USP24: variants seen among roughly 807,000 people sequenced by gnomAD.
USP24 encodes ubiquitin specific peptidase 24, also known as ubiquitin carboxyl-terminal hydrolase 24.
Under a neutral mutation model 361.6 loss-of-function variants are expected in USP24, and 97 were observed. The observed-to-expected ratio is 0.27, with a 90% CI of 0.23 to 0.32. USP24 has a LOEUF of 0.32. Ranked by LOEUF, USP24 falls within the 10% of genes least tolerant of loss-of-function variation. The probability of loss-of-function intolerance (pLI) is 1.00; values close to 1 mark genes in which losing one functional copy is unlikely to be tolerated. For missense variants in USP24, 2,353 were observed against 3,165.6 expected (o/e 0.74, Z 6.16); for synonymous variants, 1,098 against 1,124.6 (o/e 0.98, Z 0.47).
At chr1:55,176,352 A>G in intron 3 of USP24, 24 bp downstream of exon 3, 4 of 1,552,498 alleles carry the variant, frequency 2.6e-6, no homozygotes, top group Non-Finnish European at 3.5e-6. Flanking sequence ...CACACAAAAT[A>G]TCACAGCAGC....
chr1:55,213,942 T>A (rs964815829), intron 1 of USP24, among the ~76,000 whole-genome samples: 1 of 151,756 alleles, frequency 6.6e-6, no homozygotes, highest in Non-Finnish European at 1.5e-5. Context: ...ATGACTACCA[T>A]CTCTTTCCCC....
At chr1:55,207,766 A>G (rs533559890) in intron 1 of USP24, among the ~76,000 whole-genome samples, 51 of 152,342 alleles carry the variant, frequency 3.3e-4, no homozygotes, top group South Asian at 6.2e-4. Context: ...TTGCTTAGTA[A>G]GTAATGGTTT....
At chr1:55,159,736 T>C (rs1648074849) in intron 8 of USP24, 51 bp from the exon 9 acceptor site, 6 of 1,465,746 alleles carry the variant, frequency 4.1e-6, no homozygotes, top group African/African-American at 2.8e-5. Flanking sequence ...GTCCCAAAAG[T>C]AGAGAGAGAA....
At chr1:55,080,959 G>T (rs1309779865) in intron 59 of USP24, among the ~76,000 whole-genome samples, 1 of 152,130 alleles carries the variant, frequency 6.6e-6, no homozygotes. Flanking sequence ...CTGAAGATCA[G>T]AACGGTCAGG....
rs1328049981 is a variant in USP24 at position 55,214,940 on chromosome 1, G to C, written c.174C>G (p.Ser58Arg). 7 of 1,385,014 alleles carry C rather than the reference G, an allele frequency of 5.1e-6. No homozygotes were observed. Among genetic ancestry groups the C allele is most frequent in the African/African-American group, 1.5e-5 (1 of 66,762 alleles). 85.8% of individuals were successfully genotyped at this position (1,385,014 alleles called of 1,614,324 possible). Residue 58 changes from serine to arginine, a missense_variant, in exon 1 of 68, where the codon AGC (serine) becomes AGG (arginine). Physicochemically the swap from Ser to Arg is moderately radical, Grantham distance 110. Coordinates refer to ENST00000294383, the MANE Select transcript of USP24 (RefSeq NM_015306.3). The part of the protein sequence containing the change: ...LDYGGYEPMD[S>R]GGGPSPGPGG... The stretch of plus-strand genomic sequence containing the variant: ...CGGGCCCGGGGCTGGGGCCACCGCC[G>C]CTGTCCATGGGCTCGTAGCCGCCGT...
In USP24 at chr1:55,143,122, G is replaced by A; in HGVS notation, c.2440-3C>T. Reference sequence around the variant, plus strand: ...ATCAATTCCAGCTTTTCTACATACTGTTCAAAAGAAAAAAAATTAAATTAT... The same window carrying A: ...ATCAATTCCAGCTTTTCTACATACTATTCAAAAGAAAAAAAATTAAATTAT... On this transcript the variant is annotated splice_polypyrimidine_tract_variant and splice_region_variant and intron_variant, in intron 21 of 67. Transcript: ENST00000294383. 1 of 1,477,156 alleles carries A rather than the reference G, an allele frequency of 6.8e-7. No homozygotes were observed. The highest frequency in any genetic ancestry group is 8.9e-7 in the Non-Finnish European group (1 of 1,120,270). 91.5% of individuals were successfully genotyped at this position (1,477,156 alleles called of 1,614,324 possible).
chr1:55,098,160 T>C, intron 46 of USP24, 76 bp from the exon 47 acceptor site: 2 of 1,425,126 alleles, frequency 1.4e-6, no homozygotes, highest in Non-Finnish European at 1.8e-6. Context: ...TACCTAAGCT[T>C]GAACACAGAA....
At chr1:55,182,965 C>T (rs572824962) in intron 1 of USP24, among the ~76,000 whole-genome samples, 90 of 152,184 alleles carry the variant, frequency 5.9e-4, no homozygotes, top group African/African-American at 2.0e-3. Context: ...GTGATCTGCC[C>T]GCCTGGGCCT....
chr1:55,085,166 C>G (rs773613841), intron 56 of USP24, among the ~76,000 whole-genome samples: 1 of 151,996 alleles, frequency 6.6e-6, no homozygotes, highest in Non-Finnish European at 1.5e-5. Flanking sequence ...CTAATGATTC[C>G]CGGAATTGAG....
chr1:55,202,124 T>C (rs1644591990), intron 1 of USP24, among the ~76,000 whole-genome samples: 2 of 152,170 alleles, frequency 1.3e-5, no homozygotes, highest in South Asian at 4.1e-4. Flanking sequence ...TAAGAGCGCA[T>C]CAATATTCAC....
chr1:55,094,166 C>A, intron 51 of USP24, 79 bp from the exon 52 acceptor site: 1 of 1,413,996 alleles, frequency 7.1e-7, no homozygotes, highest in Non-Finnish European at 9.5e-7. Context: ...GCCAAATTCA[C>A]ATAAACGGGT....
chr1:55,193,805 A>T (rs993009349), intron 1 of USP24, among the ~76,000 whole-genome samples: 1 of 152,180 alleles, frequency 6.6e-6, no homozygotes, highest in South Asian at 2.1e-4. Flanking sequence ...CATTTTTTAC[A>T]TGAGCAAACA....
At chr1:55,141,271 T>C (rs1034614640) in intron 24 of USP24, among the ~76,000 whole-genome samples, 4 of 152,180 alleles carry the variant, frequency 2.6e-5, no homozygotes, top group East Asian at 1.9e-4. Context: ...TTTCATACAA[T>C]GTATGTGTAT....
intron 24 of USP24, among the ~76,000 whole-genome samples, chr1:55,139,924 T>A (rs939650706): frequency 6.6e-6 from 1 of 151,930 alleles, no homozygotes; most frequent in African/African-American, 2.4e-5. Context: ...AATAAGTGAG[T>A]GAACTATTTT....
intron 26 of USP24, 59 bp from the exon 27 acceptor site, chr1:55,137,963 CTG>C: frequency 6.7e-7 from 1 of 1,489,248 alleles, no homozygotes; most frequent in Non-Finnish European, 9.1e-7. Context: ...ATTTAAACAA[CTG>C]TGAGTGAACA....
intron 38 of USP24, among the ~76,000 whole-genome samples, chr1:55,117,605 G>A (rs978078159): frequency 5.9e-5 from 9 of 152,082 alleles, no homozygotes; most frequent in Non-Finnish European, 1.0e-4. Context: ...GCGGGCGCCT[G>A]TAGTCCCAGC....
Position 55,138,977 on chromosome 1 carries a change from C to T in USP24, c.2784G>A (p.Leu928=). ...STKLVIIERL[L]LLAERYVITI... ...TGATCACATAGCGCTCTGCCAGAAGCAGCAATCTCTCAATTATTACAAGTT... is the reference window on the plus strand; with the variant it reads ...TGATCACATAGCGCTCTGCCAGAAGTAGCAATCTCTCAATTATTACAAGTT... Residue 928 remains leucine (L), a synonymous_variant, in exon 25 of 68, where the codon CTG becomes CTA. Coordinates refer to ENST00000294383, the MANE Select transcript of USP24 (RefSeq NM_015306.3). 6.2e-7 allele frequency: 1 copy of T among 1,612,366 alleles called. No homozygotes were observed. The highest frequency in any genetic ancestry group is 8.5e-7 in the Non-Finnish European group (1 of 1,179,302).
At chr1:55,097,765 G>A in intron 47 of USP24, 48 bp from the exon 48 acceptor site, 1 of 1,516,990 alleles carries the variant, frequency 6.6e-7, no homozygotes, top group Non-Finnish European at 8.8e-7. Flanking sequence ...GATCTCCATG[G>A]AGAAAATAAA....
chr1:55,148,273 TA>T (rs142185905), intron 17 of USP24, among the ~76,000 whole-genome samples, 189 bp downstream of exon 17: 1,720 of 137,402 alleles, frequency 0.013, 11 homozygotes, highest in Middle Eastern at 0.036. Flanking sequence ...TTAAGGAGAT[TA>T]AAAAAAAAAA....
Sources: allele counts gnomAD v4.1 joint callset (sites outside exome capture counted in the v4.1 genomes callset), GRCh38; gene constraint gnomAD v4.1.1; transcripts MANE v1.5; gene names NCBI Gene and HGNC (gene_info 2026-07-23, HGNC 2026-07-21).